CTBP2: variants seen among roughly 807,000 people sequenced by gnomAD.
CTBP2 encodes C-terminal binding protein 2, also known as C-terminal-binding protein 2.
CTBP2 carries 30 observed loss-of-function variants against 80.3 expected under a neutral mutation model. The ratio of observed to expected loss-of-function variants is 0.37; its 90% CI spans 0.28 to 0.51. The LOEUF (loss-of-function observed/expected upper bound fraction) is 0.51. Among genes scored for constraint, CTBP2 ranks in the 20% least tolerant of loss-of-function variants. The pLI is 0.93. For synonymous variants in CTBP2, 594 were observed against 587.4 expected, an observed-to-expected ratio of 1.01 and a Z score of -0.16; for missense variants, 1,212 against 1,375.3, an observed-to-expected ratio of 0.88 and a Z score of 1.88.
At chr10:125,006,628 TC>T (rs1955276173) in intron 1 of CTBP2, among the ~76,000 whole-genome samples, 1 of 152,116 alleles carries the variant, frequency 6.6e-6, no homozygotes, top group African/African-American at 2.4e-5. Context: ...TGCAAACAGA[TC>T]CCCCATCTTA....
At position 124,992,865 on chromosome 10, in the gene CTBP2, T is replaced by C. The variant is rs1043226387; in HGVS notation, c.2660-53A>G. 4 of 1,375,888 alleles carry C rather than the reference T, an allele frequency of 2.9e-6. No individual in the cohort carries two copies. The African/African-American group carries it at 4.3e-5, about 15-fold the overall frequency. 85.2% of individuals were successfully genotyped at this position (1,375,888 alleles called of 1,614,324 possible). On this transcript the variant is annotated intron_variant, in intron 7 of 8. Transcript: ENST00000309035. ...TATTATTTTTACAAATCACAGTAAG[T>C]TCAACATTACACCTGTAGCTGCTTA...
In CTBP2 at chr10:125,109,712, T is replaced by C. The variant is rs117429104; in HGVS notation, c.-102+1278A>G. ...TATGGCCTTTGGCCCAGCAAAGCCC[T>C]GTCAGAGCACTCCCAGGAAAGGGTT... On this transcript the variant is annotated intron_variant, in intron 2 of 10. Coordinates refer to the CTBP2 transcript ENST00000337195. Among the ~76,000 whole-genome samples the C allele has an allele frequency of 2.3e-4, 35 of 152,340 alleles. 1 individual carries two copies. In the East Asian group the frequency reaches 5.2e-3, roughly 23 times the overall value.
At chr10:125,075,639 G>C (rs1480552587) in intron 2 of CTBP2, among the ~76,000 whole-genome samples, 1 of 152,178 alleles carries the variant, frequency 6.6e-6, no homozygotes, top group Non-Finnish European at 1.5e-5. Context: ...GCAATTTTTA[G>C]AACAGGCAAA....
intron 3 of CTBP2, 104 bp from the exon 6 acceptor site, chr10:124,998,274 G>A (rs1953933976): frequency 7.6e-7 from 1 of 1,318,842 alleles, no homozygotes; most frequent in Non-Finnish European, 1.0e-6. Context: ...GTTGGCACCG[G>A]GGGAGGCCCA....
chr10:125,092,714 C>T (rs1421870708), intron 2 of CTBP2, among the ~76,000 whole-genome samples: 1 of 152,154 alleles, frequency 6.6e-6, no homozygotes, highest in Non-Finnish European at 1.5e-5. Context: ...CGTCACCAGG[C>T]AGCAGGTGTC....
intron 1 of CTBP2, among the ~76,000 whole-genome samples, chr10:125,114,742 C>T (rs1345711243): frequency 6.6e-6 from 1 of 152,064 alleles, no homozygotes; most frequent in Admixed American, 6.5e-5. Context: ...GAACTCATAG[C>T]GTTCTTTCAG....
At chr10:125,010,900 A>G (rs1955817652) in intron 1 of CTBP2, among the ~76,000 whole-genome samples, 1 of 152,200 alleles carries the variant, frequency 6.6e-6, no homozygotes, top group Admixed American at 6.5e-5. Flanking sequence ...CAGGTAGGAA[A>G]AAGCTCACAA....
intron 1 of CTBP2, among the ~76,000 whole-genome samples, chr10:125,022,320 C>T (rs1957128431): frequency 1.3e-5 from 2 of 152,250 alleles, no homozygotes; most frequent in South Asian, 4.1e-4. Context: ...AGTTAACTGT[C>T]CTTTTATGAA....
rs939918522 is a variant in CTBP2, at chr10:125,025,781, T to C, written c.1678+301A>G. 1.4e-4 allele frequency among the ~76,000 whole-genome samples: 21 copies of C among 152,210 alleles called. 1 individual carries two copies. Among genetic ancestry groups the C allele is most frequent in the Admixed American group, 1.2e-3 (18 of 15,290 alleles). The stretch of plus-strand genomic sequence containing the variant: ...CAGTCTGTTCTGAGTGACTTGCGAC[T>C]TTCTCCAAGAAACACAGTTGAGTTT... On this transcript the variant is annotated intron_variant, in intron 1 of 8. Coordinates refer to ENST00000309035, the MANE Select transcript of CTBP2 (RefSeq NM_022802.3).
At chr10:125,023,692 C>T (rs1320133393) in intron 1 of CTBP2, among the ~76,000 whole-genome samples, 8 of 152,200 alleles carry the variant, frequency 5.3e-5, no homozygotes, top group African/African-American at 1.7e-4. Context: ...GGCCAGCAAA[C>T]TGGACTAGAA....
intron 2 of CTBP2, among the ~76,000 whole-genome samples, chr10:125,060,484 G>C (rs1212307798): frequency 6.6e-6 from 1 of 151,922 alleles, no homozygotes; most frequent in Non-Finnish European, 1.5e-5. Context: ...GTGTGTGTGT[G>C]TGTGTGTGTG....
At chr10:125,129,742 A>G (rs1330260276) in intron 1 of CTBP2, among the ~76,000 whole-genome samples, 1 of 152,210 alleles carries the variant, frequency 6.6e-6, no homozygotes, top group Non-Finnish European at 1.5e-5. Flanking sequence ...CTCTGGAAGG[A>G]GGAGCACAGA....
intron 4 of CTBP2, chr10:124,995,980 G>A (rs997986039): frequency 6.6e-6 from 1 of 152,034 alleles, no homozygotes; most frequent in African/African-American, 2.4e-5. Flanking sequence ...CCAGGGCCTG[G>A]AGGGCCTGTG....
chr10:125,027,371 G>T lies in CTBP2; in HGVS notation c.389C>A (p.Pro130Gln). 1.9e-6 allele frequency: 3 copies of T among 1,613,522 alleles called. No individual in the cohort carries two copies. Among genetic ancestry groups the T allele is most frequent in the Middle Eastern group, 1.6e-4 (1 of 6,062 alleles). ...GCTGGGGACCGGCCGGCTGACTCCT[G>T]GGTCCCGATAGAGGGGAGGCTCTTT... is the stretch of plus-strand genomic sequence containing the variant. The change falls in exon 1 of 9, where the codon CCA becomes CAA. Residue 130 changes from proline to glutamine, a missense_variant. Coordinates refer to ENST00000309035, the MANE Select transcript of CTBP2 (RefSeq NM_022802.3).
chr10:125,068,339 C>T (rs938599367), intron 2 of CTBP2, among the ~76,000 whole-genome samples: 1 of 152,200 alleles, frequency 6.6e-6, no homozygotes, highest in Non-Finnish European at 1.5e-5. Context: ...ATTCAAACTA[C>T]GTAGACAGGG....
At chr10:125,084,886 A>G (rs2135596134) in intron 2 of CTBP2, among the ~76,000 whole-genome samples, 1 of 152,212 alleles carries the variant, frequency 6.6e-6, no homozygotes, top group Admixed American at 6.5e-5. Context: ...GTTACTGCCC[A>G]GGCTTGACAC....
intron 1 of CTBP2, among the ~76,000 whole-genome samples, chr10:125,127,337 C>A (rs1281637243): frequency 1.3e-5 from 2 of 152,218 alleles, no homozygotes. Flanking sequence ...CTGGAACCAA[C>A]AGGCCTGCCT....
In CTBP2 at chr10:124,984,796, A is replaced by G. The variant is rs1347650542; in HGVS notation, c.*4722T>C. On this transcript the variant is annotated 3_prime_UTR_variant, in exon 9 of 9. Coordinates refer to ENST00000309035, the MANE Select transcript of CTBP2 (RefSeq NM_022802.3). ...AAGCTAGGTAATGAGGAACAGCAAG[A>G]AAAACTGCTCAGGGAGTGGCTGGAC... is the stretch of plus-strand genomic sequence containing the variant. 1 of 1,613,868 alleles carries G rather than the reference A, an allele frequency of 6.2e-7. No homozygotes were observed.
rs192923781 is a variant in CTBP2, at chr10:125,076,434, A to C, written c.-102+34556T>G. On this transcript the variant is annotated intron_variant, in intron 2 of 10. Coordinates refer to the CTBP2 transcript ENST00000337195. The stretch of plus-strand genomic sequence containing the variant: ...GAGGGTCAAGATCTCCTCTGGGTCC[A>C]GAAGATCTCCTCTAGGTTCAGTTCT... 5.3e-5 allele frequency among the ~76,000 whole-genome samples: 8 copies of C among 152,310 alleles called. No homozygotes were observed. In the East Asian group the frequency reaches 1.5e-3, roughly 29 times the overall value.
Sources: allele counts gnomAD v4.1 joint callset (sites outside exome capture counted in the v4.1 genomes callset), GRCh38; gene constraint gnomAD v4.1.1; transcripts MANE v1.5; gene names NCBI Gene and HGNC (gene_info 2026-07-23, HGNC 2026-07-21).